Variants in NCOA1 observed in about 807,000 individuals in gnomAD.
NCOA1 encodes nuclear receptor coactivator 1.
Under a neutral mutation model 150.9 loss-of-function variants are expected in NCOA1, and 35 were observed. That is an observed-to-expected ratio of 0.23 (90% CI 0.18 to 0.31). NCOA1 has a LOEUF of 0.31. NCOA1 is among the 10% of genes least tolerant of loss of function. The pLI is 1.00. For missense variants in NCOA1, 1,491 were observed against 1,749.3 expected (o/e 0.85, Z 2.63); for synonymous variants, 590 against 630.0 (o/e 0.94, Z 0.95).
rs10630950 is a variant in NCOA1, at chr2:24,492,965, C to CAAAAAAA, written c.-396+1366_-396+1372dup. ...TCTGGAATTGGTTGGAGGCTAGTCT[C>CAAAAAAA]AAAAAAAAAGCAAACAAAACAACAA... On this transcript the variant is annotated intron_variant, in intron 1 of 22. Coordinates refer to ENST00000348332, the MANE Select transcript of NCOA1 (RefSeq NM_003743.5). 6.0e-4 allele frequency among the ~76,000 whole-genome samples: 87 copies of CAAAAAAA among 145,160 alleles called. 1 individual carries two copies. The highest frequency in any genetic ancestry group is 3.0e-3 in the East Asian group (15 of 5,032).
At chr2:24,508,433 C>T in intron 1 of NCOA1, among the ~76,000 whole-genome samples, 1 of 148,816 alleles carries the variant, frequency 6.7e-6, no homozygotes, top group Middle Eastern at 3.5e-3. Flanking sequence ...TTTGCAATGA[C>T]AAAAAAAAAG....
chr2:24,615,835 G>A (rs1201911339), intron 3 of NCOA1, among the ~76,000 whole-genome samples: 1 of 152,136 alleles, frequency 6.6e-6, no homozygotes, highest in East Asian at 1.9e-4. Context: ...GAATGTGAGG[G>A]ATTAGAGTAG....
intron 3 of NCOA1, among the ~76,000 whole-genome samples, chr2:24,627,368 A>C (rs556999403): frequency 8.5e-5 from 13 of 152,258 alleles, no homozygotes; most frequent in Middle Eastern, 3.4e-3. Context: ...AAATATGATA[A>C]AAATAAATCT....
At chr2:24,765,938 T>A (rs1372825121) in intron 22 of NCOA1, among the ~76,000 whole-genome samples, 1 of 149,876 alleles carries the variant, frequency 6.7e-6, no homozygotes, top group Non-Finnish European at 1.5e-5. Flanking sequence ...TGCTTTGTCG[T>A]TGCCCACGCT....
chr2:24,589,287 A>G (rs539489914), intron 3 of NCOA1, among the ~76,000 whole-genome samples: 1 of 152,098 alleles, frequency 6.6e-6, no homozygotes, highest in African/African-American at 2.4e-5. Context: ...CCTAGAATGC[A>G]TTGTCCATCT....
intron 3 of NCOA1, among the ~76,000 whole-genome samples, chr2:24,597,779 CTTTTTT>C (rs895829616): frequency 6.6e-6 from 1 of 151,520 alleles, no homozygotes; most frequent in Non-Finnish European, 1.5e-5. Context: ...ATGTGAATCT[CTTTTTT>C]TTTATTATTA....
In NCOA1 at chr2:24,691,523, G is replaced by A. The variant is rs1672667072; in HGVS notation, c.575G>A (p.Ser192Asn). 2 of 1,614,010 alleles carry A rather than the reference G, an allele frequency of 1.2e-6. No individual in the cohort carries two copies. The highest frequency in any genetic ancestry group is 1.3e-5 in the African/African-American group (1 of 74,928). The change falls in exon 9 of 23, where the codon AGC becomes AAC. Residue 192 changes from serine to asparagine, a missense_variant. Ser to Asn is a conservative substitution (Grantham distance 46). Around this residue, in one of 8 missense-constraint regions of NCOA1, gnomAD observed 99 missense variants for 122.8 expected, o/e 0.81. Transcript: ENST00000348332. ...PWPQEATRRN[S>N]HTFNCRMLIH... ...CCTCAAGAGGCAACACGACGAAATA[G>A]CCATACCTTTAACTGCAGGATGCTA... is the stretch of plus-strand genomic sequence containing the variant.
intron 2 of NCOA1, among the ~76,000 whole-genome samples, chr2:24,574,459 CT>C (rs1193268063): frequency 1.3e-5 from 2 of 151,980 alleles, no homozygotes; most frequent in East Asian, 3.8e-4. Context: ...CAGTAAAACT[CT>C]TTTGGGGGAG....
At chr2:24,620,682 C>A (rs1669102836) in intron 3 of NCOA1, among the ~76,000 whole-genome samples, 1 of 151,778 alleles carries the variant, frequency 6.6e-6, no homozygotes, top group Non-Finnish European at 1.5e-5. Flanking sequence ...AAATTTAATT[C>A]TTATTTTTGT....
At chr2:24,690,460 C>T (rs1672610358) in intron 8 of NCOA1, among the ~76,000 whole-genome samples, 1 of 151,768 alleles carries the variant, frequency 6.6e-6, no homozygotes, top group South Asian at 2.1e-4. Context: ...CGAGACCAGC[C>T]TGGCCAACAT....
intron 1 of NCOA1, among the ~76,000 whole-genome samples, chr2:24,526,446 AG>A (rs1558766503): frequency 1.3e-5 from 2 of 152,048 alleles, no homozygotes; most frequent in African/African-American, 4.8e-5. Flanking sequence ...CCATGGATTT[AG>A]GGGCAGAAAT....
chr2:24,739,997 A>T (rs1460133967), intron 18 of NCOA1, among the ~76,000 whole-genome samples: 1 of 151,650 alleles, frequency 6.6e-6, no homozygotes, highest in African/African-American at 2.4e-5. Context: ...ACCCAGAGCC[A>T]TTAGAACTTT....
chr2:24,496,624 G>C (rs536294013), intron 1 of NCOA1, among the ~76,000 whole-genome samples: 11 of 151,998 alleles, frequency 7.2e-5, no homozygotes, highest in African/African-American at 2.7e-4. Flanking sequence ...TGTGTTGATT[G>C]GTTTTCCTAA....
intron 1 of NCOA1, among the ~76,000 whole-genome samples, chr2:24,523,605 C>CAAAAAAAAAAAAAAAAAAAAAAAA (rs979559677): frequency 3.4e-4 from 6 of 17,704 alleles, no homozygotes; most frequent in South Asian, 6.0e-3. Context: ...GACTCCGTCT[C>CAAAAAAAAAAAAAAAAAAAAAAAA]AAAAAAAAAA....
intron 20 of NCOA1, among the ~76,000 whole-genome samples, chr2:24,756,186 A>C (rs1664491146): frequency 6.6e-6 from 1 of 151,982 alleles, no homozygotes; most frequent in South Asian, 2.1e-4. Flanking sequence ...CCCAGGAGGC[A>C]GAGGTTACGG....
At chr2:24,668,584 G>T (rs377411320) in intron 6 of NCOA1, among the ~76,000 whole-genome samples, 2 of 152,192 alleles carry the variant, frequency 1.3e-5, no homozygotes, top group African/African-American at 4.8e-5. Flanking sequence ...AGTCTCAAAG[G>T]TATTACCTCC....
In NCOA1 at chr2:24,769,258, T is replaced by G. The variant is rs527426707; in HGVS notation, c.*867T>G. 5.3e-6 allele frequency: 1 copy of G among 189,660 alleles called. No homozygotes were observed. Among genetic ancestry groups the G allele is most frequent in the South Asian group, 1.9e-4 (1 of 5,154 alleles). 11.7% of individuals were successfully genotyped at this position (189,660 alleles called of 1,614,324 possible). ...ATTTATGATCCAAGTAGCTTATTTTTCCCTTTAAATCTCATTGTAAATATA... is the reference window on the plus strand; with the variant it reads ...ATTTATGATCCAAGTAGCTTATTTTGCCCTTTAAATCTCATTGTAAATATA... On this transcript the variant is annotated 3_prime_UTR_variant, in exon 23 of 23. Transcript: ENST00000348332.
intron 5 of NCOA1, chr2:24,659,033 T>C (rs1671066148): frequency 2.8e-6 from 1 of 356,412 alleles, no homozygotes. Flanking sequence ...TTCTCTTCCT[T>C]CCATAACTGT....
intron 1 of NCOA1, among the ~76,000 whole-genome samples, chr2:24,525,449 G>A (rs987453779): frequency 6.6e-6 from 1 of 152,070 alleles, no homozygotes; most frequent in Non-Finnish European, 1.5e-5. Flanking sequence ...TCGGAGATTT[G>A]TAAGGAAACT....
Sources: gnomAD v4.1 joint callset for allele counts (sites outside exome capture counted in the v4.1 genomes callset) on GRCh38, gnomAD v4.1.1 for gene constraint, gnomAD v4.1.1 regional missense constraint, MANE v1.5 for transcripts, NCBI Gene and HGNC (gene_info 2026-07-23, HGNC 2026-07-21) for gene names.